Variants in IGFALS observed in about 807,000 individuals in gnomAD.
IGFALS encodes insulin-like growth factor-binding protein complex acid labile subunit.
IGFALS carries 2 observed loss-of-function variants against 2.6 expected under a neutral mutation model. That is an observed-to-expected ratio of 0.77 (90% CI 0.32 to 2.44). The LOEUF is 2.44. IGFALS is among the 30% of genes most tolerant of loss of function. The pLI, the probability that IGFALS is intolerant of heterozygous loss-of-function variation, is 0.11. For synonymous variants in IGFALS, 519 were observed against 431.9 expected, an observed-to-expected ratio of 1.20 and a Z score of -2.50; for missense variants, 996 against 848.7, an observed-to-expected ratio of 1.17 and a Z score of -2.16.
chr16:1,792,432 C>T lies in IGFALS; in HGVS notation c.17-31G>A, dbSNP rs561612173. The stretch of plus-strand genomic sequence containing the variant: ...GGGGGAGAGGCTTGGGGAGGCGGCC[C>T]GAGGAGGGCTCTGCCCGAGTGAGCC... On this transcript the variant is annotated intron_variant, in intron 1 of 1. Coordinates refer to ENST00000215539, the MANE Select transcript of IGFALS (RefSeq NM_004970.3). 32 of 1,516,844 alleles carry T rather than the reference C, an allele frequency of 2.1e-5. No homozygotes were observed. The African/African-American group carries it at 2.6e-4, about 12-fold the overall frequency. 94.0% of individuals were successfully genotyped at this position (1,516,844 alleles called of 1,614,324 possible). A position where few individuals can be genotyped will look rare whatever the true frequency, so the allele number is the denominator to read the frequency against.
rs572361942 is a variant in IGFALS at position 1,792,407 on chromosome 16, G to A, written c.17-6C>T. Reference sequence around the variant, plus strand: ...CAGCGCCAGGGCCAGGCCTCCTGCGGGGGGAGAGGCTTGGGGAGGCGGCCC... The same window carrying A: ...CAGCGCCAGGGCCAGGCCTCCTGCGAGGGGAGAGGCTTGGGGAGGCGGCCC... On this transcript the variant is annotated splice_region_variant and splice_polypyrimidine_tract_variant and intron_variant, in intron 1 of 1. Coordinates refer to ENST00000215539, the MANE Select transcript of IGFALS (RefSeq NM_004970.3). 3.1e-5 allele frequency: 48 copies of A among 1,558,254 alleles called. No individual in the cohort carries two copies. Among genetic ancestry groups the A allele is most frequent in the Admixed American group, 5.4e-5 (3 of 55,860 alleles).
Position 1,790,568 on chromosome 16 carries a change from C to T in IGFALS, c.*32G>A. On this transcript the variant is annotated 3_prime_UTR_variant, in exon 2 of 2. Coordinates refer to ENST00000215539, the MANE Select transcript of IGFALS (RefSeq NM_004970.3). The stretch of plus-strand genomic sequence containing the variant: ...CAGCACAAGGTGAGCCAGGTGGGGG[C>T]CTGAGTCCGGGGCTTGAGTCCGGGG... The T allele has an allele frequency of 1.3e-6, 2 of 1,532,814 alleles. No homozygotes were observed. Among genetic ancestry groups the T allele is most frequent in the Admixed American group, 1.9e-5 (1 of 51,324 alleles). 95.0% of individuals were successfully genotyped at this position (1,532,814 alleles called of 1,614,324 possible).
At chr16:1,794,841 G>T (rs1459885779), upstream of IGFALS, 1 of 702,242 alleles carries the variant, frequency 1.4e-6, no homozygotes, top group Admixed American at 2.0e-5. Context: ...GGCCTCACCT[G>T]GCAGGCCCCG....
Position 1,792,241 on chromosome 16 carries a change from G to C in IGFALS, c.177C>G (p.Phe59Leu). Residue 59 changes from phenylalanine to leucine, a missense_variant, in exon 2 of 2, where the codon TTC becomes TTG. Physicochemically the swap from Phe to Leu is conservative, Grantham distance 22. Transcript: ENST00000215539. ...GGCGCGTGAGGTTCCTGGAGCTGCA[G>C]AAGACGCTGAGCTCATCCGCGTCGT... ...YDDDADELSV[F>L]CSSRNLTRLP... The C allele has an allele frequency of 6.2e-7, 1 of 1,604,232 alleles. No individual in the cohort carries two copies. Among genetic ancestry groups the C allele is most frequent in the Non-Finnish European group, 8.5e-7 (1 of 1,179,622 alleles).
chr16:1,792,221 G>C lies in IGFALS; in HGVS notation c.197C>G (p.Thr66Arg), dbSNP rs145465654. The C allele has an allele frequency of 5.0e-6, 8 of 1,607,462 alleles. No individual in the cohort carries two copies. The highest frequency in any genetic ancestry group is 3.3e-4 in the Middle Eastern group (2 of 6,078). Reference sequence around the variant, plus strand: ...GCCCGGGACTCCATCAGGCAGGCGCGTGAGGTTCCTGGAGCTGCAGAAGAC... The same window carrying C: ...GCCCGGGACTCCATCAGGCAGGCGCCTGAGGTTCCTGGAGCTGCAGAAGAC... ...LSVFCSSRNL[T>R]RLPDGVPGGT... is the part of the protein sequence containing the mutation. Residue 66 changes from threonine (T) to arginine (R), a missense_variant, in exon 2 of 2, where the codon ACG becomes AGG. Physicochemically the swap from Thr to Arg is moderately conservative, Grantham distance 71. Coordinates refer to ENST00000215539, the MANE Select transcript of IGFALS (RefSeq NM_004970.3).
chr16:1,792,519 A>T, intron 1 of IGFALS, 118 bp from the exon 2 acceptor site: 1 of 1,431,614 alleles, frequency 7.0e-7, no homozygotes, highest in South Asian at 1.5e-5. Flanking sequence ...TCACCCGCTG[A>T]GATGCGAAGA....
rs1287532700 is a variant in IGFALS, at chr16:1,792,360, G to C, written c.58C>G (p.Leu20Val). The C allele has an allele frequency of 6.3e-7, 1 of 1,589,202 alleles. No homozygotes were observed. Among genetic ancestry groups the C allele is most frequent in the East Asian group, 2.2e-5 (1 of 44,610 alleles). The part of the protein sequence containing the change: ...LALLLLSWVA[L>V]GPRSLEGADP... Reference sequence around the variant, plus strand: ...GCTCCCTCCAGGCTGCGGGGGCCCAGTGCCACCCAGGACAGCAGCAGCAGC... The same window carrying C: ...GCTCCCTCCAGGCTGCGGGGGCCCACTGCCACCCAGGACAGCAGCAGCAGC... The change falls in exon 2 of 2, where the codon CTG becomes GTG. Residue 20 changes from leucine (L) to valine (V), a missense_variant. Leu to Val is a conservative substitution (Grantham distance 32). Transcript: ENST00000215539.
At position 1,792,406 on chromosome 16, in the gene IGFALS, G is replaced by C. The variant is rs35500047; in HGVS notation, c.17-5C>G. ...GCAGCGCCAGGGCCAGGCCTCCTGC[G>C]GGGGGAGAGGCTTGGGGAGGCGGCC... On this transcript the variant is annotated splice_region_variant and splice_polypyrimidine_tract_variant and intron_variant, in intron 1 of 1. Coordinates refer to ENST00000215539, the MANE Select transcript of IGFALS (RefSeq NM_004970.3). 3.0e-5 allele frequency: 46 copies of C among 1,556,468 alleles called. No homozygotes were observed. The highest frequency in any genetic ancestry group is 2.5e-4 in the Admixed American group (14 of 55,762).
chr16:1,794,652 G>A (rs1315940234), upstream of IGFALS, among the ~76,000 whole-genome samples: 1 of 152,170 alleles, frequency 6.6e-6, no homozygotes, highest in African/African-American at 2.4e-5. Flanking sequence ...CTGAGCAGGT[G>A]CAGCCCCTCC....
chr16:1,792,497 T>TGA (rs1211228006), intron 1 of IGFALS, 96 bp from the exon 2 acceptor site: 1 of 1,439,516 alleles, frequency 6.9e-7, no homozygotes, highest in Non-Finnish European at 9.1e-7. Flanking sequence ...AGGTGTGAAC[T>TGA]GAGGCTCGAG....
At chr16:1,794,152 G>A (rs1011086948), upstream of IGFALS, among the ~76,000 whole-genome samples, 4 of 151,992 alleles carry the variant, frequency 2.6e-5, no homozygotes, top group East Asian at 1.9e-4. Flanking sequence ...CCCCTTCCCC[G>A]TGCCCCACCC....
rs749492423 is a variant in IGFALS at position 1,790,597 on chromosome 16, T to A, written c.*3A>T. 6.4e-7 allele frequency: 1 copy of A among 1,562,490 alleles called. No homozygotes were observed. The highest frequency in any genetic ancestry group is 1.2e-5 in the South Asian group (1 of 85,028). ...AGTCCGGGGCTTGAGTCCGGGGACCTGGTCAGCAGGGAGCAAAGTGGGCCT... is the reference window on the plus strand; with the variant it reads ...AGTCCGGGGCTTGAGTCCGGGGACCAGGTCAGCAGGGAGCAAAGTGGGCCT... On this transcript the variant is annotated 3_prime_UTR_variant, in exon 2 of 2. Transcript: ENST00000215539.
At chr16:1,793,155 G>A (rs900593295) in intron 1 of IGFALS, among the ~76,000 whole-genome samples, 9 of 152,206 alleles carry the variant, frequency 5.9e-5, no homozygotes, top group South Asian at 2.1e-4. Flanking sequence ...CAGGGGCGAG[G>A]TGGGGCCCCC....
At position 1,790,455 on chromosome 16, in the gene IGFALS, G is replaced by A; in HGVS notation, c.*145C>T. The A allele has an allele frequency of 4.1e-6, 3 of 729,838 alleles. No homozygotes were observed. Among genetic ancestry groups the A allele is most frequent in the Non-Finnish European group, 7.2e-6 (3 of 414,752 alleles). The allele number at this position is 729,838 out of a possible 1,614,324, so 45.2% of individuals were successfully genotyped here. A position where few individuals can be genotyped will look rare whatever the true frequency, so the allele number is the denominator to read the frequency against. On this transcript the variant is annotated 3_prime_UTR_variant, in exon 2 of 2. Transcript: ENST00000215539. ...TGCCTTTAATTGATGACAGCTGGGG[G>A]GGCCGCCATGCCTTCCACCCCATCA...
At position 1,791,380 on chromosome 16, in the gene IGFALS, G is replaced by T; in HGVS notation, c.1038C>A (p.Asp346Glu). The stretch of plus-strand genomic sequence containing the variant: ...CCTTGACCTCCTGGAGCTGGTTGTG[G>T]TCTAGCGTGAGCACCTCAAGCTGCC... ...GLGQLEVLTL[D>E]HNQLQEVKAG... The change falls in exon 2 of 2, where the codon GAC (aspartate) becomes GAA (glutamate). Residue 346 changes from aspartate to glutamate, a missense_variant. Physicochemically the swap from Asp to Glu is conservative, Grantham distance 45. Coordinates refer to ENST00000215539, the MANE Select transcript of IGFALS (RefSeq NM_004970.3). The T allele has an allele frequency of 1.2e-6, 2 of 1,609,858 alleles. No individual in the cohort carries two copies. Among genetic ancestry groups the T allele is most frequent in the Non-Finnish European group, 8.5e-7 (1 of 1,179,946 alleles).
Position 1,790,780 on chromosome 16 carries a change from C to T in IGFALS, c.1638G>A (p.Ala546=), listed in dbSNP as rs766787656. The change falls in exon 2 of 2, where the codon GCG becomes GCA. Residue 546 remains alanine (A), a synonymous_variant. Coordinates refer to ENST00000215539, the MANE Select transcript of IGFALS (RefSeq NM_004970.3). ...NPWDCGCPLK[A]LRDFALQNPS... is the part of the protein sequence containing the mutation. ...GGTTCTGCAGGGCGAAGTCCCGCAG[C>T]GCCTTGAGAGGGCAGCCACAGTCCC... is the stretch of plus-strand genomic sequence containing the variant. The T allele has an allele frequency of 1.3e-5, 21 of 1,581,064 alleles. No individual in the cohort carries two copies. In the South Asian group the frequency reaches 1.7e-4, roughly 13 times the overall value.
chr16:1,790,805 C>T lies in IGFALS; in HGVS notation c.1613G>A (p.Trp538Ter). The change falls in exon 2 of 2, where the codon TGG becomes TAG. Residue 538 changes from tryptophan (W) to a stop codon, truncating the protein, a stop_gained. Transcript: ENST00000215539. LOFTEE classifies it low-confidence loss of function (END_TRUNC). Reference protein sequence around the residue: ...LERLWLEGNPWDCGCPLKALR... With the variant: ...LERLWLEGNP ...CGCCTTGAGAGGGCAGCCACAGTCC[C>T]AGGGGTTACCCTCCAGCCACAGGCG... 10 of 1,570,530 alleles carry T rather than the reference C, an allele frequency of 6.4e-6. No individual in the cohort carries two copies. Among genetic ancestry groups the T allele is most frequent in the Non-Finnish European group, 8.6e-6 (10 of 1,159,282 alleles).
In IGFALS at chr16:1,790,517, C is replaced by T. The variant is rs772965953; in HGVS notation, c.*83G>A. On this transcript the variant is annotated 3_prime_UTR_variant, in exon 2 of 2. Transcript: ENST00000215539. ...CTTCCAGCAAGTGCACTGGGCAGGC[C>T]CCTGAGGACACTGAGGACCTGTCCC... 2.2e-4 allele frequency: 272 copies of T among 1,209,368 alleles called. No individual in the cohort carries two copies. The African/African-American group carries it at 3.6e-3, about 16-fold the overall frequency. The allele number at this position is 1,209,368 out of a possible 1,614,324, so 74.9% of individuals were successfully genotyped here.
At position 1,790,496 on chromosome 16, in the gene IGFALS, C is replaced by T. The variant is rs1049692658; in HGVS notation, c.*104G>A. The stretch of plus-strand genomic sequence containing the variant: ...CACCCCATCAGGCCCTTGCGTCTTC[C>T]AGCAAGTGCACTGGGCAGGCCCCTG... On this transcript the variant is annotated 3_prime_UTR_variant, in exon 2 of 2. Coordinates refer to ENST00000215539, the MANE Select transcript of IGFALS (RefSeq NM_004970.3). The T allele has an allele frequency of 9.8e-7, 1 of 1,019,184 alleles. No homozygotes were observed. Among genetic ancestry groups the T allele is most frequent in the Non-Finnish European group, 1.5e-6 (1 of 673,602 alleles). The allele number at this position is 1,019,184 out of a possible 1,614,324, so 63.1% of individuals were successfully genotyped here.
Sources: gnomAD v4.1 joint callset for allele counts (sites outside exome capture counted in the v4.1 genomes callset) on GRCh38, gnomAD v4.1.1 for gene constraint, MANE v1.5 for transcripts, NCBI Gene and HGNC (gene_info 2026-07-23, HGNC 2026-07-21) for gene names.